The following C8orf34 variants were observed in gnomAD, a reference collection of about 807,000 sequenced individuals.
C8orf34 encodes chromosome 8 open reading frame 34.
Under a neutral mutation model 68.3 loss-of-function variants are expected in C8orf34, and 65 were observed. The ratio of observed to expected loss-of-function variants is 0.95; its 90% CI spans 0.78 to 1.17. The LOEUF (loss-of-function observed/expected upper bound fraction) is 1.17. C8orf34 is among the 50% of genes most tolerant of loss of function. The pLI, the probability that C8orf34 is intolerant of heterozygous loss-of-function variation, is 0.00. For missense variants in C8orf34, 664 were observed against 655.4 expected (o/e 1.01, Z -0.14); for synonymous variants, 244 against 241.2 (o/e 1.01, Z -0.11).
intron 1 of C8orf34, among the ~76,000 whole-genome samples, chr8:68,347,209 T>TATA (rs1306279582): frequency 3.9e-5 from 6 of 151,948 alleles, no homozygotes; most frequent in African/African-American, 1.4e-4. Flanking sequence ...TGAGAACATG[T>TATA]GGTATTTGGT....
intron 7 of C8orf34, among the ~76,000 whole-genome samples, chr8:68,589,753 A>T (rs1817323780): frequency 1.4e-5 from 2 of 147,364 alleles, no homozygotes; most frequent in African/African-American, 5.0e-5. Flanking sequence ...AGAAGAGGAA[A>T]GGAAGGAAGG....
At chr8:68,797,100 T>C (rs1335446382) in intron 12 of C8orf34, among the ~76,000 whole-genome samples, 42 of 152,216 alleles carry the variant, frequency 2.8e-4, no homozygotes. Context: ...GTGCTGGGAT[T>C]ACTGGCGTGA....
intron 1 of C8orf34, among the ~76,000 whole-genome samples, chr8:68,334,094 CACTTAGTTTATTTCTT>C (rs1278968060): frequency 6.6e-6 from 1 of 152,074 alleles, no homozygotes; most frequent in Non-Finnish European, 1.5e-5. Context: ...CTAGTTTGTT[CACTTAGTTTATTTCTT>C]ACTTAGTTTA....
At chr8:68,604,888 A>C (rs955799298) in intron 7 of C8orf34, among the ~76,000 whole-genome samples, 2 of 152,202 alleles carry the variant, frequency 1.3e-5, no homozygotes, top group African/African-American at 2.4e-5. Context: ...TCTGCTCTGC[A>C]AAAGGCATTG....
intron 10 of C8orf34, among the ~76,000 whole-genome samples, chr8:68,743,782 T>C (rs921565600): frequency 6.6e-6 from 1 of 152,142 alleles, no homozygotes; most frequent in East Asian, 1.9e-4. Flanking sequence ...GAGATCAAAC[T>C]GCAAGGCGGC....
intron 9 of C8orf34, among the ~76,000 whole-genome samples, chr8:68,717,471 C>A (rs987258707): frequency 6.9e-6 from 1 of 145,502 alleles, no homozygotes. Flanking sequence ...ACAGCCTGGG[C>A]GACAGAGCGA....
intron 1 of C8orf34, among the ~76,000 whole-genome samples, chr8:68,417,169 G>T (rs1392253091): frequency 6.6e-6 from 1 of 152,024 alleles, no homozygotes; most frequent in Admixed American, 6.6e-5. Flanking sequence ...TCTAAATAAA[G>T]TTATTTTTAA....
rs1474362923 is a variant in C8orf34 at position 68,622,572 on chromosome 8, T to C, written c.1106-17804T>C. On this transcript the variant is annotated intron_variant, in intron 7 of 13. Coordinates refer to ENST00000518698, the MANE Select transcript of C8orf34 (RefSeq NM_052958.4). ...GGCAATGAGCTTGAGACTTTCATAATAGCAAAGGCATTGCAGTAAGTGAGC... is the reference window on the plus strand; with the variant it reads ...GGCAATGAGCTTGAGACTTTCATAACAGCAAAGGCATTGCAGTAAGTGAGC... Among the ~76,000 whole-genome samples, 4 of 152,302 alleles carry C rather than the reference T, an allele frequency of 2.6e-5. No individual in the cohort carries two copies. In the East Asian group the frequency reaches 5.8e-4, roughly 22 times the overall value.
At chr8:68,483,473 G>C (rs954234409) in intron 4 of C8orf34, among the ~76,000 whole-genome samples, 1 of 152,132 alleles carries the variant, frequency 6.6e-6, no homozygotes, top group African/African-American at 2.4e-5. Context: ...TATATCATAG[G>C]GAAAGGGCAT....
rs570112287 is a variant in C8orf34 at position 68,802,567 on chromosome 8, C to T, written c.1550-13319C>T. Among the ~76,000 whole-genome samples, 92 of 151,712 alleles carry T rather than the reference C, an allele frequency of 6.1e-4. No homozygotes were observed. In the South Asian group the frequency reaches 0.019, roughly 32 times the overall value. On this transcript the variant is annotated intron_variant, in intron 12 of 13. Transcript: ENST00000518698. ...AGGCTGGAGAGCTGTGGTGTGATCT[C>T]AGCTCATTGCAACCTCTGCCTCCCG...
At chr8:68,545,792 G>T (rs1054650245) in intron 7 of C8orf34, among the ~76,000 whole-genome samples, 1 of 152,060 alleles carries the variant, frequency 6.6e-6, no homozygotes, top group Non-Finnish European at 1.5e-5. Context: ...AAAGAATGAA[G>T]ATTAGCTGAA....
chr8:68,627,146 A>C (rs370468255), intron 7 of C8orf34, among the ~76,000 whole-genome samples: 3 of 152,010 alleles, frequency 2.0e-5, no homozygotes, highest in Admixed American at 6.6e-5. Flanking sequence ...AGGTTAACCA[A>C]CCTCTCCTGA....
intron 10 of C8orf34, among the ~76,000 whole-genome samples, chr8:68,744,002 G>C (rs1186511503): frequency 2.0e-5 from 3 of 152,248 alleles, no homozygotes; most frequent in East Asian, 1.9e-4. Flanking sequence ...GCTTTGAAGA[G>C]AGCAGTGGTT....
intron 1 of C8orf34, among the ~76,000 whole-genome samples, chr8:68,405,206 A>T (rs900681546): frequency 6.6e-6 from 1 of 152,100 alleles, no homozygotes; most frequent in Non-Finnish European, 1.5e-5. Context: ...GTTAGCTTAG[A>T]TTTAGCATTT....
intron 8 of C8orf34, among the ~76,000 whole-genome samples, chr8:68,669,359 T>TA (rs1563597836): frequency 6.6e-6 from 1 of 152,104 alleles, no homozygotes; most frequent in African/African-American, 2.4e-5. Flanking sequence ...ATTAGAGTCT[T>TA]AAAAAAATGA....
intron 6 of C8orf34, among the ~76,000 whole-genome samples, chr8:68,523,293 A>C (rs1233436319): frequency 1.3e-5 from 2 of 152,208 alleles, no homozygotes; most frequent in Non-Finnish European, 2.9e-5. Context: ...TGTAAAATAG[A>C]GAAATGTCAA....
chr8:68,736,827 G>A (rs942040580), intron 10 of C8orf34, among the ~76,000 whole-genome samples: 2 of 152,058 alleles, frequency 1.3e-5, no homozygotes, highest in Admixed American at 6.6e-5. Context: ...TCACATTATA[G>A]TTCTTTTAAC....
intron 4 of C8orf34, among the ~76,000 whole-genome samples, chr8:68,481,800 G>A (rs1170237599): frequency 6.6e-5 from 10 of 152,136 alleles, no homozygotes; most frequent in African/African-American, 2.4e-4. Flanking sequence ...CCCCCATTGT[G>A]TCTAGGAAGT....
intron 8 of C8orf34, among the ~76,000 whole-genome samples, chr8:68,689,292 C>T (rs1718120878): frequency 6.6e-6 from 1 of 151,910 alleles, no homozygotes; most frequent in African/African-American, 2.4e-5. Flanking sequence ...TAAAAGACAA[C>T]ATATTGGATA....
Sources: gnomAD v4.1 joint callset for allele counts (sites outside exome capture counted in the v4.1 genomes callset) on GRCh38, gnomAD v4.1.1 for gene constraint, MANE v1.5 for transcripts, NCBI Gene and HGNC (gene_info 2026-07-23, HGNC 2026-07-21) for gene names.